Variants in MTCH1 observed in about 807,000 individuals in gnomAD.
MTCH1 encodes mitochondrial carrier 1, also known as mitochondrial carrier homolog 1.
In MTCH1, 23 loss-of-function variants were observed where a neutral mutation model predicts 49.3. The observed-to-expected ratio is 0.47, with a 90% CI of 0.34 to 0.66. The LOEUF is 0.66. Among genes scored for constraint, MTCH1 ranks in the 30% least tolerant of loss-of-function variants. MTCH1 has a pLI of 0.01. For missense variants in MTCH1, 397 were observed against 532.1 expected (o/e 0.75, Z 2.50); for synonymous variants, 229 against 215.2 (o/e 1.06, Z -0.56).
At chr6:36,983,509 A>G (rs1025516467) in intron 1 of MTCH1, among the ~76,000 whole-genome samples, 1 of 152,116 alleles carries the variant, frequency 6.6e-6, no homozygotes, top group Non-Finnish European at 1.5e-5. Context: ...CTTAACTTCT[A>G]TTGGGTTATC....
rs1449586455 is a variant in MTCH1, at chr6:36,977,588, C to G, written c.649+46G>C. 2 of 1,441,800 alleles carry G rather than the reference C, an allele frequency of 1.4e-6. No homozygotes were observed. Among genetic ancestry groups the G allele is most frequent in the South Asian group, 2.4e-5 (2 of 82,604 alleles). The allele number at this position is 1,441,800 out of a possible 1,614,324, so 89.3% of individuals were successfully genotyped here. On this transcript the variant is annotated intron_variant, in intron 5 of 11. Coordinates refer to ENST00000373627, the MANE Select transcript of MTCH1 (RefSeq NM_001271641.2). The surrounding 1 kb of genome is among the most constrained non-coding windows in gnomAD (Gnocchi z 5.4). ...AGGGGGCGCCCCTCACCCCACGCCC[C>G]CGACGCCAGCTTAGATACAGTCTCG...
At chr6:36,974,609 G>A (rs1465888320) in intron 7 of MTCH1, among the ~76,000 whole-genome samples, 1 of 152,136 alleles carries the variant, frequency 6.6e-6, no homozygotes, top group Non-Finnish European at 1.5e-5. Context: ...CTACCCACTA[G>A]ATGCCAGTTG....
upstream of MTCH1, chr6:36,986,378 C>T (rs1764322537): frequency 4.9e-6 from 2 of 409,870 alleles, no homozygotes; most frequent in Non-Finnish European, 8.1e-6. Context: ...TCAATGGTGG[C>T]GGGCAGCCGG....
intron 11 of MTCH1, 53 bp from the exon 12 acceptor site, chr6:36,969,027 C>T (rs186272703): frequency 6.3e-7 from 1 of 1,599,782 alleles, no homozygotes; most frequent in East Asian, 2.2e-5. Context: ...GCTTCCTTGT[C>T]CCTCCGAGAG....
chr6:36,970,160 C>G, intron 10 of MTCH1, 46 bp from the exon 11 acceptor site: 1 of 1,594,214 alleles, frequency 6.3e-7, no homozygotes, highest in East Asian at 2.2e-5. Flanking sequence ...TGGAAGACAG[C>G]CAGCCACGGG....
At chr6:36,981,801 T>C (rs1583266718) in intron 1 of MTCH1, 129 bp from the exon 2 acceptor site, 3 of 771,674 alleles carry the variant, frequency 3.9e-6, no homozygotes, top group Non-Finnish European at 6.1e-6. Flanking sequence ...CTCTTGTTCA[T>C]GTTTTCCCCA....
chr6:36,970,226 C>G lies in MTCH1; in HGVS notation c.1023-112G>C, dbSNP rs1763630339. 2.8e-6 allele frequency: 4 copies of G among 1,436,502 alleles called. No individual in the cohort carries two copies. The East Asian group carries it at 9.3e-5, about 33-fold the overall frequency. 89.0% of individuals were successfully genotyped at this position (1,436,502 alleles called of 1,614,324 possible). A position where few individuals can be genotyped will look rare whatever the true frequency, so the allele number is the denominator to read the frequency against. ...CTACCACCCATCCACACCCTGACCCCTGACACCACAGTTTACCCCAGGGGG... is the reference window on the plus strand; with the variant it reads ...CTACCACCCATCCACACCCTGACCCGTGACACCACAGTTTACCCCAGGGGG... On this transcript the variant is annotated intron_variant, in intron 10 of 11. Transcript: ENST00000373627.
In MTCH1 at chr6:36,977,345, A is replaced by T; in HGVS notation, c.650-95T>A. The T allele has an allele frequency of 7.6e-7, 1 of 1,322,748 alleles. No homozygotes were observed. The highest frequency in any genetic ancestry group is 1.1e-6 in the Non-Finnish European group (1 of 924,112). The allele number at this position is 1,322,748 out of a possible 1,614,324, so 81.9% of individuals were successfully genotyped here. The stretch of plus-strand genomic sequence containing the variant: ...GTGCCAGGTGCAGAGTGGCCACTGA[A>T]CAACGTGGCCTATTCAGAGAGCAGG... On this transcript the variant is annotated intron_variant, in intron 5 of 11. Transcript: ENST00000373627. This position sits in a 1 kb window ranked among gnomAD's most constrained non-coding sequence, Gnocchi z 5.4.
At position 36,977,994 on chromosome 6, in the gene MTCH1, T is replaced by C; in HGVS notation, c.591+84A>G. 1.6e-6 allele frequency: 2 copies of C among 1,264,168 alleles called. No individual in the cohort carries two copies. The highest frequency in any genetic ancestry group is 2.4e-5 in the South Asian group (2 of 82,862). The allele number at this position is 1,264,168 out of a possible 1,614,324, so 78.3% of individuals were successfully genotyped here. ...TACACAAGGACCCAACTCTTCGACT[T>C]GTCAATGACCCGCCCAACTTGGGGG... On this transcript the variant is annotated intron_variant, in intron 4 of 11. Transcript: ENST00000373627. This position sits in a 1 kb window ranked among gnomAD's most constrained non-coding sequence, Gnocchi z 5.4.
chr6:36,971,606 C>T (rs141264068), intron 8 of MTCH1, among the ~76,000 whole-genome samples: 60 of 152,174 alleles, frequency 3.9e-4, no homozygotes, highest in Non-Finnish European at 7.8e-4. Flanking sequence ...AGTGAAGACT[C>T]ACCTGCCCAG....
chr6:36,980,944 G>A (rs1277176115), intron 2 of MTCH1, among the ~76,000 whole-genome samples: 1 of 152,204 alleles, frequency 6.6e-6, no homozygotes, highest in Non-Finnish European at 1.5e-5. Flanking sequence ...GACAGTTGGG[G>A]AGCTTGCAGG....
At chr6:36,978,415 G>A (rs1040487258) in intron 3 of MTCH1, 90 bp downstream of exon 3, 10 of 1,317,814 alleles carry the variant, frequency 7.6e-6, no homozygotes, top group Non-Finnish European at 1.1e-5. Context: ...TGGGAAGGAG[G>A]AGGCAAGACC....
Position 36,968,676 on chromosome 6 carries a change from CG to C in MTCH1, c.*226del. 1 of 668,432 alleles carries C rather than the reference CG, an allele frequency of 1.5e-6. No individual in the cohort carries two copies. Among genetic ancestry groups the C allele is most frequent in the Non-Finnish European group, 2.7e-6 (1 of 365,742 alleles). 41.4% of individuals were successfully genotyped at this position (668,432 alleles called of 1,614,324 possible). A position where few individuals can be genotyped will look rare whatever the true frequency, so the allele number is the denominator to read the frequency against. On this transcript the variant is annotated 3_prime_UTR_variant, in exon 12 of 12. Coordinates refer to ENST00000373627, the MANE Select transcript of MTCH1 (RefSeq NM_001271641.2). Reference sequence around the variant, plus strand: ...TGGGGATTCTGCCAACTCCCCACCTCGCCTCACCTTCCCTAGGTCTGCCGGG... The same window carrying C: ...TGGGGATTCTGCCAACTCCCCACCTCCCTCACCTTCCCTAGGTCTGCCGGG...
chr6:36,972,592 T>C lies in MTCH1; in HGVS notation c.906+60A>G. On this transcript the variant is annotated intron_variant, in intron 8 of 11. Coordinates refer to ENST00000373627, the MANE Select transcript of MTCH1 (RefSeq NM_001271641.2). The surrounding 1 kb of genome is among the most constrained non-coding windows in gnomAD (Gnocchi z 4.1). ...GAGAATCCCAGAATCCTTGAGTTTG[T>C]CCCAGACCCTGGGCATCAGCAGCAC... is the stretch of plus-strand genomic sequence containing the variant. 2.0e-6 allele frequency: 3 copies of C among 1,515,454 alleles called. No individual in the cohort carries two copies. Among genetic ancestry groups the C allele is most frequent in the Non-Finnish European group, 1.8e-6 (2 of 1,121,932 alleles). 93.9% of individuals were successfully genotyped at this position (1,515,454 alleles called of 1,614,324 possible).
Position 36,977,712 on chromosome 6 carries a change from G to A in MTCH1, c.592-21C>T. 6.3e-7 allele frequency: 1 copy of A among 1,598,440 alleles called. No homozygotes were observed. The highest frequency in any genetic ancestry group is 8.5e-7 in the Non-Finnish European group (1 of 1,172,244). ...GAGGTCTGGAAGAGAGCATGGGGTG[G>A]GGACTCGCCACCCTCGGCCTGTCTC... On this transcript the variant is annotated intron_variant, in intron 4 of 11. Transcript: ENST00000373627. The surrounding 1 kb of genome is among the most constrained non-coding windows in gnomAD (Gnocchi z 5.4).
chr6:36,971,601 A>G (rs1763689211), intron 8 of MTCH1, among the ~76,000 whole-genome samples: 1 of 152,020 alleles, frequency 6.6e-6, no homozygotes, highest in African/African-American at 2.4e-5. Flanking sequence ...AGGCCAGTGA[A>G]GACTCACCTG....
In MTCH1 at chr6:36,972,868, A is replaced by G. The variant is rs1763731749; in HGVS notation, c.762-72T>C. ...GTTCCTGGGGGCTCCACACCCAGGAAGCAGGCAGGGATGTTCCGAGCTCAA... is the reference window on the plus strand; with the variant it reads ...GTTCCTGGGGGCTCCACACCCAGGAGGCAGGCAGGGATGTTCCGAGCTCAA... On this transcript the variant is annotated intron_variant, in intron 7 of 11. Transcript: ENST00000373627. The surrounding 1 kb of genome is among the most constrained non-coding windows in gnomAD (Gnocchi z 4.1). 1.4e-6 allele frequency: 2 copies of G among 1,443,062 alleles called. No individual in the cohort carries two copies. The highest frequency in any genetic ancestry group is 1.9e-6 in the Non-Finnish European group (2 of 1,061,318). 89.4% of individuals were successfully genotyped at this position (1,443,062 alleles called of 1,614,324 possible). A position where few individuals can be genotyped will look rare whatever the true frequency, so the allele number is the denominator to read the frequency against.
intron 9 of MTCH1, 80 bp downstream of exon 9, chr6:36,970,567 A>G (rs1209941969): frequency 6.2e-7 from 1 of 1,608,368 alleles, no homozygotes; most frequent in Admixed American, 1.7e-5. Context: ...ACCTGCCTCC[A>G]GCCATTACCA....
chr6:36,970,300 C>G, intron 10 of MTCH1, 106 bp downstream of exon 10: 1 of 1,506,892 alleles, frequency 6.6e-7, no homozygotes, highest in Non-Finnish European at 9.2e-7. Flanking sequence ...GCCAAGCCTA[C>G]ACACAGAGCA....
Sources: allele counts gnomAD v4.1 joint callset (sites outside exome capture counted in the v4.1 genomes callset), GRCh38; gene constraint gnomAD v4.1.1; non-coding constraint Gnocchi (gnomAD v3.1); transcripts MANE v1.5; gene names NCBI Gene and HGNC (gene_info 2026-07-23, HGNC 2026-07-21).